PCDHGB4: variants seen among roughly 807,000 people sequenced by gnomAD.
The protein encoded by PCDHGB4 is protocadherin gamma subfamily B, 4.
PCDHGB4 carries 38 observed loss-of-function variants against 60.5 expected under a neutral mutation model. That is an observed-to-expected ratio of 0.63 (90% CI 0.48 to 0.82). The LOEUF (loss-of-function observed/expected upper bound fraction) is 0.82. Among genes scored for constraint, PCDHGB4 ranks in the 40% least tolerant of loss-of-function variants. The pLI is 0.00. For synonymous variants in PCDHGB4, 456 were observed against 509.7 expected, an observed-to-expected ratio of 0.89 and a Z score of 1.42; for missense variants, 1,109 against 1,209.6, an observed-to-expected ratio of 0.92 and a Z score of 1.23.
chr5:141,473,796 G>A (rs2099328996), intron 1 of PCDHGB4, among the ~76,000 whole-genome samples: 1 of 152,224 alleles, frequency 6.6e-6, no homozygotes, highest in African/African-American at 2.4e-5. Context: ...GCAGTATGAT[G>A]CTACTGAGGA....
chr5:141,499,047 GA>G (rs2099789201), intron 2 of PCDHGB4, among the ~76,000 whole-genome samples: 1 of 151,580 alleles, frequency 6.6e-6, no homozygotes, highest in South Asian at 2.1e-4. Flanking sequence ...GAAAAAGGGA[GA>G]AAAAATGAAG....
At chr5:141,403,913 G>A (rs567115998) in intron 1 of PCDHGB4, 5 of 1,613,844 alleles carry the variant, frequency 3.1e-6, no homozygotes, top group Non-Finnish European at 8.5e-7. Context: ...GGAAATACAA[G>A]CTGAAGATGG....
chr5:141,499,721 G>GTC (rs1434016871), intron 2 of PCDHGB4, among the ~76,000 whole-genome samples: 69 of 135,416 alleles, frequency 5.1e-4, no homozygotes, highest in African/African-American at 1.9e-3. Flanking sequence ...TGGAGACAGA[G>GTC]TCTCACTCTC....
At chr5:141,415,185 C>G (rs375113497) in intron 1 of PCDHGB4, 66 of 1,613,860 alleles carry the variant, frequency 4.1e-5, no homozygotes, top group Non-Finnish European at 5.4e-5. Flanking sequence ...CCGTGGCCGA[C>G]AGCATCCCCC....
intron 1 of PCDHGB4, chr5:141,427,571 G>A: frequency 1.5e-6 from 1 of 662,942 alleles, no homozygotes. Flanking sequence ...GCAAGCCTCC[G>A]CTCTCATCCA....
At chr5:141,425,745 G>A (rs776065455) in intron 1 of PCDHGB4, among the ~76,000 whole-genome samples, 26 of 152,100 alleles carry the variant, frequency 1.7e-4, no homozygotes, top group Non-Finnish European at 2.9e-4. Flanking sequence ...TTCCCACAAG[G>A]TTTTTGTTCT....
chr5:141,468,229 G>A (rs1363462610), intron 1 of PCDHGB4, among the ~76,000 whole-genome samples: 4 of 150,884 alleles, frequency 2.7e-5, no homozygotes, highest in Non-Finnish European at 5.9e-5. Flanking sequence ...GGAGGATGAG[G>A]TAGGAGAATT....
In PCDHGB4 at chr5:141,431,930, C is replaced by A. The variant is rs761060241; in HGVS notation, c.2397+41649C>A. 236 of 1,613,932 alleles carry A rather than the reference C, an allele frequency of 1.5e-4. 1 individual carries two copies. The highest frequency in any genetic ancestry group is 1.4e-3 in the South Asian group (124 of 91,086). The stretch of plus-strand genomic sequence containing the variant: ...GATCTGTTTCATCCAAGGAAATCTG[C>A]CCTTTAAATTAGAAAAATCTTACGG... On this transcript the variant is annotated intron_variant, in intron 1 of 3. Transcript: ENST00000519479. This position sits in a 1 kb window ranked among gnomAD's most constrained non-coding sequence, Gnocchi z 4.8.
intron 2 of PCDHGB4, among the ~76,000 whole-genome samples, chr5:141,499,283 G>T (rs1460838051): frequency 6.6e-6 from 1 of 152,066 alleles, no homozygotes; most frequent in Non-Finnish European, 1.5e-5. Context: ...TTCTCTGATG[G>T]CTCCACACTA....
chr5:141,494,843 G>T lies in PCDHGB4; in HGVS notation c.2434G>T (p.Ala812Ser). The T allele has an allele frequency of 6.2e-7, 1 of 1,614,088 alleles. No individual in the cohort carries two copies. The highest frequency in any genetic ancestry group is 8.5e-7 in the Non-Finnish European group (1 of 1,180,006). ...PPNTDWRFSQ[A>S]QRPGTSGSQN... Reference sequence around the variant, plus strand: ...CAACACGGACTGGCGTTTCTCTCAGGCCCAGAGACCCGGCACCAGCGGGTA... The same window carrying T: ...CAACACGGACTGGCGTTTCTCTCAGTCCCAGAGACCCGGCACCAGCGGGTA... Residue 812 changes from alanine (A) to serine (S), a missense_variant, in exon 2 of 4, where the codon GCC becomes TCC. This residue lies in a region of PCDHGB4 where 1,068 missense variants were observed against 1,089.9 expected (regional missense o/e 0.98). Transcript: ENST00000519479.
chr5:141,436,931 G>A (rs1026520169), intron 1 of PCDHGB4, among the ~76,000 whole-genome samples: 1 of 152,114 alleles, frequency 6.6e-6, no homozygotes, highest in Non-Finnish European at 1.5e-5. Context: ...CTTTTTCTTT[G>A]TCTGAACCAT....
At position 141,485,122 on chromosome 5, in the gene PCDHGB4, G is replaced by A. The variant is rs1000179570; in HGVS notation, c.2398-9685G>A. The A allele has an allele frequency of 1.4e-6, 2 of 1,387,624 alleles. No individual in the cohort carries two copies. The highest frequency in any genetic ancestry group is 1.4e-5 in the African/African-American group (1 of 70,566). 86.0% of individuals were successfully genotyped at this position (1,387,624 alleles called of 1,614,324 possible). A position where few individuals can be genotyped will look rare whatever the true frequency, so the allele number is the denominator to read the frequency against. Reference sequence around the variant, plus strand: ...CAGCTGCTGTGGCTGTTTGGGGCGGGTCGGCTTCATCCGCGTCTCAGGAGC... The same window carrying A: ...CAGCTGCTGTGGCTGTTTGGGGCGGATCGGCTTCATCCGCGTCTCAGGAGC... On this transcript the variant is annotated intron_variant, in intron 1 of 3. Coordinates refer to ENST00000519479, the MANE Select transcript of PCDHGB4 (RefSeq NM_003736.4). The surrounding 1 kb of genome is among the most constrained non-coding windows in gnomAD (Gnocchi z 5.7).
At chr5:141,405,032 G>A (rs747720731) in intron 1 of PCDHGB4, 25 of 1,613,806 alleles carry the variant, frequency 1.5e-5, no homozygotes, top group African/African-American at 6.7e-5. Context: ...CCTCTACCTC[G>A]TTGTGGCTGT....
intron 1 of PCDHGB4, chr5:141,418,464 G>A: frequency 3.7e-6 from 6 of 1,614,010 alleles, no homozygotes; most frequent in Non-Finnish European, 5.1e-6. Flanking sequence ...ACTCTGGACC[G>A]AGAAACGCAG....
intron 2 of PCDHGB4, among the ~76,000 whole-genome samples, chr5:141,502,866 C>CTCTTTTTT (rs1554188502): frequency 2.3e-5 from 3 of 128,046 alleles, no homozygotes; most frequent in Non-Finnish European, 3.2e-5. Flanking sequence ...GACTCTCTGT[C>CTCTTTTTT]TTTTTTTTTT....
rs979237199 is a variant in PCDHGB4, at chr5:141,477,828, G to C, written c.2398-16979G>C. On this transcript the variant is annotated intron_variant, in intron 1 of 3. Transcript: ENST00000519479. This position sits in a 1 kb window ranked among gnomAD's most constrained non-coding sequence, Gnocchi z 4.9. Reference sequence around the variant, plus strand: ...AATGCCCCCCAGGTCCTATATCCTCGGCCAGGTGGGAGCTCGGTGGAGATG... The same window carrying C: ...AATGCCCCCCAGGTCCTATATCCTCCGCCAGGTGGGAGCTCGGTGGAGATG... The C allele has an allele frequency of 3.7e-6, 6 of 1,614,082 alleles. No individual in the cohort carries two copies. The highest frequency in any genetic ancestry group is 3.4e-6 in the Non-Finnish European group (4 of 1,180,006).
In PCDHGB4 at chr5:141,477,806, G is replaced by T; in HGVS notation, c.2398-17001G>T. ...ATTTGTCACTGATCGCAATGACAAT[G>T]CCCCCCAGGTCCTATATCCTCGGCC... On this transcript the variant is annotated intron_variant, in intron 1 of 3. Coordinates refer to ENST00000519479, the MANE Select transcript of PCDHGB4 (RefSeq NM_003736.4). The surrounding 1 kb of genome is among the most constrained non-coding windows in gnomAD (Gnocchi z 4.9). 6.2e-7 allele frequency: 1 copy of T among 1,614,118 alleles called. No homozygotes were observed. The highest frequency in any genetic ancestry group is 8.5e-7 in the Non-Finnish European group (1 of 1,180,036).
rs901230493 is a variant in PCDHGB4, at chr5:141,487,514, C to T, written c.2398-7293C>T. 7 of 1,614,150 alleles carry T rather than the reference C, an allele frequency of 4.3e-6. No homozygotes were observed. The highest frequency in any genetic ancestry group is 1.1e-5 in the South Asian group (1 of 91,070). On this transcript the variant is annotated intron_variant, in intron 1 of 3. Transcript: ENST00000519479. The surrounding 1 kb of genome is among the most constrained non-coding windows in gnomAD (Gnocchi z 5.0). Reference sequence around the variant, plus strand: ...TACACCCTTGGCTTCTGCACCCACTCGGAGTGATAGCTTCATGATGGTGAA... The same window carrying T: ...TACACCCTTGGCTTCTGCACCCACTTGGAGTGATAGCTTCATGATGGTGAA...
chr5:141,414,377 C>T (rs2095740461), intron 1 of PCDHGB4: 1 of 1,613,760 alleles, frequency 6.2e-7, no homozygotes, highest in South Asian at 1.1e-5. Context: ...TTAGAAAAGT[C>T]CATTGACAGT....
Sources: allele counts gnomAD v4.1 joint callset (sites outside exome capture counted in the v4.1 genomes callset), GRCh38; gene constraint gnomAD v4.1.1; regional missense constraint gnomAD v4.1.1; non-coding constraint Gnocchi (gnomAD v3.1); transcripts MANE v1.5; gene names NCBI Gene and HGNC (gene_info 2026-07-23, HGNC 2026-07-21).